CPLX4: variants seen among roughly 807,000 people sequenced by gnomAD.
CPLX4 encodes the protein complexin 4.
CPLX4 carries 17 observed loss-of-function variants against 16.1 expected under a neutral mutation model. The observed-to-expected ratio is 1.06, with a 90% CI of 0.72 to 1.59. CPLX4 has a LOEUF of 1.59. Ranked by LOEUF, CPLX4 falls within the 40% of genes most tolerant of loss-of-function variation. The probability of loss-of-function intolerance (pLI) is 0.00; values close to 1 mark genes in which losing one functional copy is unlikely to be tolerated. For synonymous variants in CPLX4, 55 were observed against 57.8 expected (o/e 0.95, Z 0.22); for missense variants, 193 against 192.9 (o/e 1.00, Z 0.00).
intron 2 of CPLX4, among the ~76,000 whole-genome samples, chr18:59,311,700 G>C (rs2070617901): frequency 6.6e-6 from 1 of 152,220 alleles, no homozygotes; most frequent in Non-Finnish European, 1.5e-5. Flanking sequence ...GAGTCATTTA[G>C]TCAGGTAGAC....
At chr18:59,311,823 T>G (rs1260848668) in intron 2 of CPLX4, among the ~76,000 whole-genome samples, 2 of 152,114 alleles carry the variant, frequency 1.3e-5, no homozygotes, top group Non-Finnish European at 2.9e-5. Flanking sequence ...TTCCACAACA[T>G]GTCAACGCAT....
At chr18:59,314,288 A>G (rs1238175250) in intron 1 of CPLX4, among the ~76,000 whole-genome samples, 1 of 152,186 alleles carries the variant, frequency 6.6e-6, no homozygotes, top group East Asian at 1.9e-4. Context: ...AAACATACAG[A>G]AACGTTGAAA....
chr18:59,311,067 C>G (rs595939), intron 2 of CPLX4, among the ~76,000 whole-genome samples: 3 of 151,628 alleles, frequency 2.0e-5, no homozygotes. Context: ...GGGGCTTCAG[C>G]GCAGTAGCAT....
intron 1 of CPLX4, among the ~76,000 whole-genome samples, chr18:59,315,795 G>A (rs2070647552): frequency 6.6e-6 from 1 of 152,164 alleles, no homozygotes. Flanking sequence ...TTCCTGGTCT[G>A]ATTATTTTGG....
chr18:59,316,033 T>C (rs913507631), intron 1 of CPLX4, among the ~76,000 whole-genome samples: 1 of 152,186 alleles, frequency 6.6e-6, no homozygotes, highest in East Asian at 1.9e-4. Flanking sequence ...TTCCTCACAA[T>C]GCTATGCTCA....
At chr18:59,307,640 C>T (rs1374602787) in intron 2 of CPLX4, among the ~76,000 whole-genome samples, 1 of 152,156 alleles carries the variant, frequency 6.6e-6, no homozygotes, top group Non-Finnish European at 1.5e-5. Flanking sequence ...TTGTCAATCA[C>T]ATCTCTTAGT....
intron 1 of CPLX4, among the ~76,000 whole-genome samples, chr18:59,314,774 G>T (rs1324658916): frequency 1.3e-5 from 2 of 152,146 alleles, no homozygotes; most frequent in Non-Finnish European, 2.9e-5. Flanking sequence ...TTTGTGTAAG[G>T]CTTCTTTCAC....
chr18:59,297,449 T>G (rs555924874), intron 2 of CPLX4, among the ~76,000 whole-genome samples: 1 of 152,148 alleles, frequency 6.6e-6, no homozygotes, highest in South Asian at 2.1e-4. Flanking sequence ...AGCTGATTTT[T>G]TTGTATTTTT....
chr18:59,296,921 T>C lies in CPLX4; in HGVS notation c.260A>G (p.Glu87Gly). ...CATCTGGATTTGATTCTCATCCATT[T>C]CACTCTATGTGAAAAATAAATAGAG... is the stretch of plus-strand genomic sequence containing the variant. ...LREKYRLPKS[E>G]MDENQIQMAG... The change falls in exon 3 of 3, where the codon GAA becomes GGA. Residue 87 changes from glutamate to glycine, a missense_variant. Physicochemically the swap from Glu to Gly is moderately conservative, Grantham distance 98. Transcript: ENST00000299721. 2 of 1,605,826 alleles carry C rather than the reference T, an allele frequency of 1.2e-6. No individual in the cohort carries two copies. Among genetic ancestry groups the C allele is most frequent in the Non-Finnish European group, 1.7e-6 (2 of 1,178,436 alleles).
chr18:59,302,991 T>C (rs1364442453), intron 2 of CPLX4, among the ~76,000 whole-genome samples: 3 of 152,230 alleles, frequency 2.0e-5, no homozygotes, highest in Non-Finnish European at 4.4e-5. Context: ...TGGATTTCTT[T>C]CACATGGAGG....
In CPLX4 at chr18:59,304,041, A is replaced by AT. The variant is rs567991004; in HGVS notation, c.256-7117dup. 2.0e-5 allele frequency among the ~76,000 whole-genome samples: 3 copies of AT among 152,158 alleles called. No homozygotes were observed. The East Asian group carries it at 5.8e-4, about 29-fold the overall frequency. On this transcript the variant is annotated intron_variant, in intron 2 of 2. Coordinates refer to ENST00000299721, the MANE Select transcript of CPLX4 (RefSeq NM_181654.4). ...GAAGGTTCACACAATCATCTTTGTT[A>AT]TTTTTTTTAAGAGGCAAATTTTACA...
intron 2 of CPLX4, among the ~76,000 whole-genome samples, chr18:59,298,903 G>C (rs1027527509): frequency 1.3e-5 from 2 of 152,134 alleles, no homozygotes; most frequent in African/African-American, 4.8e-5. Flanking sequence ...CAGGAGTCTG[G>C]CTCAAGAAAT....
chr18:59,312,562 T>C (rs1568107064), intron 2 of CPLX4, 123 bp downstream of exon 2: 1 of 209,492 alleles, frequency 4.8e-6, no homozygotes, highest in Non-Finnish European at 9.0e-6. Flanking sequence ...TTTATATATA[T>C]ATATATCTTG....
At chr18:59,307,050 C>T (rs540396833) in intron 2 of CPLX4, among the ~76,000 whole-genome samples, 4 of 152,202 alleles carry the variant, frequency 2.6e-5, no homozygotes, top group South Asian at 2.1e-4. Context: ...TGTCTTGTGC[C>T]GTTTTCTTTG....
rs2070495817 is a variant in CPLX4 at position 59,295,812 on chromosome 18, G to A, written c.*886C>T. The A allele has an allele frequency of 6.6e-6, 1 of 152,058 alleles. No homozygotes were observed. Among genetic ancestry groups the A allele is most frequent in the Admixed American group, 6.6e-5 (1 of 15,248 alleles). The allele number at this position is 152,058 out of a possible 1,614,324, so 9.4% of individuals were successfully genotyped here. A position where few individuals can be genotyped will look rare whatever the true frequency, so the allele number is the denominator to read the frequency against. ...GACAGGAGAAGAAAAAAAAAAGAGAGATAGGGAGAGAAGGGGATGAAAGAG... is the reference window on the plus strand; with the variant it reads ...GACAGGAGAAGAAAAAAAAAAGAGAAATAGGGAGAGAAGGGGATGAAAGAG... On this transcript the variant is annotated 3_prime_UTR_variant, in exon 3 of 3. Transcript: ENST00000299721.
Position 59,295,694 on chromosome 18 carries a change from G to C in CPLX4, c.*1004C>G, listed in dbSNP as rs1199242399. On this transcript the variant is annotated 3_prime_UTR_variant, in exon 3 of 3. Coordinates refer to ENST00000299721, the MANE Select transcript of CPLX4 (RefSeq NM_181654.4). ...TCCTTTTGAAAGAGAGCAGATATTAGGGGGGAAAAATCAGTGTCTACCCTG... is the reference window on the plus strand; with the variant it reads ...TCCTTTTGAAAGAGAGCAGATATTACGGGGGAAAAATCAGTGTCTACCCTG... 1.3e-5 allele frequency: 2 copies of C among 151,984 alleles called. No individual in the cohort carries two copies. Among genetic ancestry groups the C allele is most frequent in the African/African-American group, 4.8e-5 (2 of 41,352 alleles). 9.4% of individuals were successfully genotyped at this position (151,984 alleles called of 1,614,324 possible).
rs573065812 is a variant in CPLX4, at chr18:59,296,729, T to C, written c.452A>G (p.Gln151Arg). 4 of 1,605,070 alleles carry C rather than the reference T, an allele frequency of 2.5e-6. No homozygotes were observed. Among genetic ancestry groups the C allele is most frequent in the Admixed American group, 1.7e-5 (1 of 59,730 alleles). Residue 151 changes from glutamine (Q) to arginine (R), a missense_variant, in exon 3 of 3, where the codon CAG (glutamine) becomes CGG (arginine). By Grantham distance (43) the Gln-to-Arg change is conservative. Transcript: ENST00000299721. ...KAQATFTEIK[Q>R]TAEQKCSVM ...CACGGAACACTTCTGCTCCGCTGTC[T>C]GCTTGATTTCAGTGAAGGTGGCCTG...
intron 2 of CPLX4, among the ~76,000 whole-genome samples, chr18:59,305,808 G>A (rs1220998670): frequency 1.3e-5 from 2 of 152,198 alleles, no homozygotes; most frequent in African/African-American, 4.8e-5. Flanking sequence ...CGAGGACAAT[G>A]TGCAGGCTCG....
intron 2 of CPLX4, among the ~76,000 whole-genome samples, chr18:59,302,564 A>AT (rs1233868388): frequency 2.6e-5 from 4 of 152,234 alleles, no homozygotes; most frequent in African/African-American, 9.7e-5. Flanking sequence ...AGAGCTAATT[A>AT]TTTTTATGCC....
Sources: allele counts gnomAD v4.1 joint callset (sites outside exome capture counted in the v4.1 genomes callset), GRCh38; gene constraint gnomAD v4.1.1; transcripts MANE v1.5; gene names NCBI Gene and HGNC (gene_info 2026-07-23, HGNC 2026-07-21).